The following FAM210B variants were observed in gnomAD, a reference collection of about 807,000 sequenced individuals.
FAM210B encodes the protein family with sequence similarity 210 member B.
FAM210B carries 11 observed loss-of-function variants against 14.9 expected under a neutral mutation model. The observed-to-expected ratio is 0.74, with a 90% CI of 0.46 to 1.22. The LOEUF (loss-of-function observed/expected upper bound fraction) is 1.22, where lower values mean the gene tolerates loss of function less well. Among genes scored for constraint, FAM210B ranks in the 50% most tolerant of loss-of-function variants. The probability of loss-of-function intolerance (pLI) is 0.00; values close to 1 mark genes in which losing one functional copy is unlikely to be tolerated. For synonymous variants in FAM210B, 113 were observed against 110.2 expected, an observed-to-expected ratio of 1.03 and a Z score of -0.16; for missense variants, 229 against 250.1, an observed-to-expected ratio of 0.92 and a Z score of 0.57.
rs200352598 is a variant in FAM210B at position 56,366,191 on chromosome 20, G to A, written c.483G>A (p.Ala161=). 2.0e-5 allele frequency: 32 copies of A among 1,614,180 alleles called. No individual in the cohort carries two copies. In the East Asian group the frequency reaches 3.6e-4, roughly 18 times the overall value. ...VVAYAIHKLF[A]PVRISITLVS... ...CCTATGCAATCCACAAGCTGTTTGCGCCAGTGAGAATCAGCATTACGCTAG... is the reference window on the plus strand; with the variant it reads ...CCTATGCAATCCACAAGCTGTTTGCACCAGTGAGAATCAGCATTACGCTAG... The change falls in exon 3 of 3, where the codon GCG becomes GCA. Residue 161 remains alanine (A), a synonymous_variant. Transcript: ENST00000371384.
At chr20:56,364,971 G>A in intron 1 of FAM210B, 116 bp from the exon 2 acceptor site, 1 of 997,766 alleles carries the variant, frequency 1.0e-6, no homozygotes, top group South Asian at 1.8e-5. Flanking sequence ...AAAGGAAAGG[G>A]GTAACTGATC....
chr20:56,364,236 A>G (rs1050592782), intron 1 of FAM210B, among the ~76,000 whole-genome samples: 1 of 152,226 alleles, frequency 6.6e-6, no homozygotes, highest in East Asian at 1.9e-4. Context: ...TTAATGCACT[A>G]AAGTCAAGGT....
At chr20:56,361,562 G>A (rs1374842502) in intron 1 of FAM210B, among the ~76,000 whole-genome samples, 2 of 152,222 alleles carry the variant, frequency 1.3e-5, no homozygotes, top group Non-Finnish European at 2.9e-5. Context: ...AGTAATCCCT[G>A]TGTGATCCTT....
chr20:56,365,990 A>G (rs562233613), intron 2 of FAM210B, 81 bp from the exon 3 acceptor site: 3 of 914,828 alleles, frequency 3.3e-6, no homozygotes, highest in Admixed American at 2.7e-5. Context: ...TTTTTAAAAT[A>G]CTGTAAATCT....
intron 1 of FAM210B, chr20:56,360,038 G>A (rs1983500577): frequency 2.8e-6 from 1 of 355,374 alleles, no homozygotes; most frequent in African/African-American, 2.1e-5. Flanking sequence ...TCCATGAGCT[G>A]GTGCAGGCCT....
chr20:56,368,353 A>G lies in FAM210B; in HGVS notation c.*2066A>G, dbSNP rs1454770584. The G allele has an allele frequency of 6.6e-6, 1 of 152,464 alleles. No homozygotes were observed. The highest frequency in any genetic ancestry group is 2.4e-5 in the African/African-American group (1 of 41,340). The allele number at this position is 152,464 out of a possible 1,614,324, so 9.4% of individuals were successfully genotyped here. A position where few individuals can be genotyped will look rare whatever the true frequency, so the allele number is the denominator to read the frequency against. ...GCAAAAAAAAAAAAAGAAAAAAAAG[A>G]AAAACTGATGGTGAAACCTACAGGT... On this transcript the variant is annotated 3_prime_UTR_variant, in exon 3 of 3. Transcript: ENST00000371384.
In FAM210B at chr20:56,368,500, C is replaced by T. The variant is rs1450522808; in HGVS notation, c.*2213C>T. The T allele has an allele frequency of 1.3e-5, 2 of 152,270 alleles. No individual in the cohort carries two copies. The highest frequency in any genetic ancestry group is 2.9e-5 in the Non-Finnish European group (2 of 68,090). The allele number at this position is 152,270 out of a possible 1,614,324, so 9.4% of individuals were successfully genotyped here. On this transcript the variant is annotated 3_prime_UTR_variant, in exon 3 of 3. Coordinates refer to ENST00000371384, the MANE Select transcript of FAM210B (RefSeq NM_080821.3). ...TCCTAAGCCCCAACCCCACTCCACT[C>T]CTGTGGCCAGGGGTCCAAACAGAAA...
chr20:56,365,498 G>C (rs1983614883), intron 2 of FAM210B, among the ~76,000 whole-genome samples: 1 of 151,684 alleles, frequency 6.6e-6, no homozygotes, highest in African/African-American at 2.4e-5. Flanking sequence ...ACTGCACCCA[G>C]CTGATTTGTT....
Position 56,366,409 on chromosome 20 carries a change from C to T in FAM210B, c.*122C>T, listed in dbSNP as rs1442892533. On this transcript the variant is annotated 3_prime_UTR_variant, in exon 3 of 3. Coordinates refer to ENST00000371384, the MANE Select transcript of FAM210B (RefSeq NM_080821.3). Reference sequence around the variant, plus strand: ...GAGGTAGGGGGCTAATTGCTATGTTCTCATGGATAAACTTTGCCAGCAAAA... The same window carrying T: ...GAGGTAGGGGGCTAATTGCTATGTTTTCATGGATAAACTTTGCCAGCAAAA... 3.4e-6 allele frequency: 3 copies of T among 881,478 alleles called. No homozygotes were observed. The highest frequency in any genetic ancestry group is 2.8e-5 in the Admixed American group (1 of 35,220). 54.6% of individuals were successfully genotyped at this position (881,478 alleles called of 1,614,324 possible). A position where few individuals can be genotyped will look rare whatever the true frequency, so the allele number is the denominator to read the frequency against.
At chr20:56,361,025 CTG>C (rs1157787380) in intron 1 of FAM210B, among the ~76,000 whole-genome samples, 1 of 152,228 alleles carries the variant, frequency 6.6e-6, no homozygotes, top group Non-Finnish European at 1.5e-5. Flanking sequence ...CAGGGGGTCT[CTG>C]TAAGAGGGGT....
intron 1 of FAM210B, among the ~76,000 whole-genome samples, chr20:56,361,679 T>C (rs78991306): frequency 0.13 from 20,164 of 152,172 alleles, 1,550 homozygotes; most frequent in Middle Eastern, 0.2. Context: ...TTTCCTTTTT[T>C]TAAAATTAGA....
Sources: allele counts gnomAD v4.1 joint callset (sites outside exome capture counted in the v4.1 genomes callset), GRCh38; gene constraint gnomAD v4.1.1; transcripts MANE v1.5; gene names NCBI Gene and HGNC (gene_info 2026-07-23, HGNC 2026-07-21).